The following ZDHHC17 variants were observed in gnomAD, a reference collection of about 807,000 sequenced individuals.
ZDHHC17 encodes the protein palmitoyltransferase ZDHHC17.
Under a neutral mutation model 90.3 loss-of-function variants are expected in ZDHHC17, and 40 were observed. That is an observed-to-expected ratio of 0.44 (90% CI 0.34 to 0.58). The LOEUF (loss-of-function observed/expected upper bound fraction) is 0.58. Ranked by LOEUF, ZDHHC17 falls within the 20% of genes least tolerant of loss-of-function variation. The pLI, the probability that ZDHHC17 is intolerant of heterozygous loss-of-function variation, is 0.01. For missense variants in ZDHHC17, 614 were observed against 780.8 expected (o/e 0.79, Z 2.55); for synonymous variants, 235 against 252.4 (o/e 0.93, Z 0.65).
chr12:76,776,040 AC>A (rs1754198778), intron 1 of ZDHHC17, among the ~76,000 whole-genome samples: 1 of 151,948 alleles, frequency 6.6e-6, no homozygotes, highest in Non-Finnish European at 1.5e-5. Flanking sequence ...TTCCCATTAA[AC>A]TTTTTTTCCT....
Position 76,764,282 on chromosome 12 carries a change from G to A in ZDHHC17, c.46G>A (p.Asp16Asn). 1 of 1,607,530 alleles carries A rather than the reference G, an allele frequency of 6.2e-7. No homozygotes were observed. The highest frequency in any genetic ancestry group is 8.5e-7 in the Non-Finnish European group (1 of 1,177,198). The change falls in exon 1 of 17, where the codon GAT (aspartate) becomes AAT (asparagine). Residue 16 changes from aspartate to asparagine, a missense_variant. Physicochemically the swap from Asp to Asn is conservative, Grantham distance 23. Transcript: ENST00000426126. ...TAACACCAAGATGGCGGACGGCCCG[G>A]ATGAGTACGATACCGAAGCGGGCTG... is the stretch of plus-strand genomic sequence containing the variant. The part of the protein sequence containing the change: ...GFNTKMADGP[D>N]EYDTEAGCVP...
At chr12:76,849,966 G>T (rs1331375097) in intron 16 of ZDHHC17, among the ~76,000 whole-genome samples, 1 of 151,950 alleles carries the variant, frequency 6.6e-6, no homozygotes, top group African/African-American at 2.4e-5. Context: ...TGTCACCCAG[G>T]CTGGAGTGCA....
chr12:76,850,906 G>A lies in ZDHHC17; in HGVS notation c.1820G>A (p.Arg607His), dbSNP rs376748226. The A allele has an allele frequency of 4.5e-5, 73 of 1,613,732 alleles. No homozygotes were observed. In the African/African-American group the frequency reaches 5.6e-4, roughly 12 times the overall value. Residue 607 changes from arginine (R) to histidine (H), a missense_variant, in exon 17 of 17, where the codon CGT becomes CAT. Arg to His is a conservative substitution (Grantham distance 29). Transcript: ENST00000426126. The part of the protein sequence containing the change: ...FFEFRCCGLF[R>H]PVIVDWTRQY... The stretch of plus-strand genomic sequence containing the variant: ...GAATTTCGATGCTGTGGCCTCTTTC[G>A]TCCTGTTATCGTGGACTGGACCAGG...
intron 2 of ZDHHC17, among the ~76,000 whole-genome samples, chr12:76,803,680 C>G (rs1952920067): frequency 6.6e-6 from 1 of 152,148 alleles, no homozygotes; most frequent in Admixed American, 6.5e-5. Flanking sequence ...CCACCAAAAC[C>G]AGAGAGATTT....
At chr12:76,832,502 G>A (rs1292583934) in intron 10 of ZDHHC17, among the ~76,000 whole-genome samples, 4 of 152,226 alleles carry the variant, frequency 2.6e-5, no homozygotes, top group African/African-American at 9.6e-5. Context: ...AGGTTCCTAT[G>A]TGGCTCTGGT....
At chr12:76,847,810 AT>A (rs1265681552) in intron 14 of ZDHHC17, among the ~76,000 whole-genome samples, 1 of 152,144 alleles carries the variant, frequency 6.6e-6, no homozygotes, top group African/African-American at 2.4e-5. Flanking sequence ...GTGAGCCTTG[AT>A]TGAGCCACTG....
At chr12:76,813,468 G>C (rs1376166028) in intron 5 of ZDHHC17, 2 of 343,138 alleles carry the variant, frequency 5.8e-6, no homozygotes, top group African/African-American at 4.5e-5. Context: ...CTAAGTTAAT[G>C]ACATCCAAGG....
At chr12:76,776,909 A>AT (rs1383705229) in intron 1 of ZDHHC17, among the ~76,000 whole-genome samples, 1 of 152,228 alleles carries the variant, frequency 6.6e-6, no homozygotes, top group African/African-American at 2.4e-5. Context: ...AATTGTGCAC[A>AT]TTTTAAATGC....
At chr12:76,839,060 G>T (rs1209657715) in intron 10 of ZDHHC17, among the ~76,000 whole-genome samples, 2 of 152,208 alleles carry the variant, frequency 1.3e-5, no homozygotes, top group African/African-American at 4.8e-5. Context: ...GAAAGAGGAA[G>T]AAATCTCTCA....
intron 10 of ZDHHC17, among the ~76,000 whole-genome samples, chr12:76,834,065 A>G (rs1345474670): frequency 6.6e-6 from 1 of 152,194 alleles, no homozygotes; most frequent in Non-Finnish European, 1.5e-5. Context: ...GTGAAAAAAT[A>G]CTAAATTATA....
chr12:76,847,845 G>A (rs1455137160), intron 14 of ZDHHC17, among the ~76,000 whole-genome samples: 2 of 152,136 alleles, frequency 1.3e-5, no homozygotes, highest in Non-Finnish European at 2.9e-5. Flanking sequence ...GTGACAGAGC[G>A]AGACCTTGTC....
intron 10 of ZDHHC17, among the ~76,000 whole-genome samples, chr12:76,838,565 T>A (rs1040171514): frequency 6.6e-6 from 1 of 152,232 alleles, no homozygotes; most frequent in Non-Finnish European, 1.5e-5. Context: ...AAATTCTTGC[T>A]GAGAAACTTG....
chr12:76,815,829 G>C, intron 6 of ZDHHC17, 28 bp from the exon 7 acceptor site: 1 of 1,385,622 alleles, frequency 7.2e-7, no homozygotes, highest in Non-Finnish European at 9.5e-7. Context: ...TGTTGTTGTT[G>C]TTTGTTTTTT....
intron 1 of ZDHHC17, among the ~76,000 whole-genome samples, chr12:76,779,152 A>AT (rs1952596257): frequency 6.6e-6 from 1 of 152,076 alleles, no homozygotes; most frequent in African/African-American, 2.4e-5. Flanking sequence ...TCTTTTGCCT[A>AT]TTTCCTAGTT....
chr12:76,774,282 A>G (rs1952531896), intron 1 of ZDHHC17, among the ~76,000 whole-genome samples: 1 of 151,742 alleles, frequency 6.6e-6, no homozygotes, highest in Admixed American at 6.6e-5. Flanking sequence ...GTGTATGTGT[A>G]TGTGTATGTG....
At chr12:76,809,194 A>G (rs1952991223) in intron 4 of ZDHHC17, 74 bp downstream of exon 4, 2 of 1,011,654 alleles carry the variant, frequency 2.0e-6, no homozygotes, top group Non-Finnish European at 2.8e-6. Flanking sequence ...TAAAAAAATG[A>G]TATACTAAAA....
intron 10 of ZDHHC17, among the ~76,000 whole-genome samples, chr12:76,839,162 A>G (rs1002303137): frequency 6.6e-6 from 1 of 152,240 alleles, no homozygotes. Flanking sequence ...TAAAGACCAC[A>G]TCTCCAGATG....
chr12:76,790,950 AAC>A (rs1004062960), intron 1 of ZDHHC17, among the ~76,000 whole-genome samples: 13 of 152,310 alleles, frequency 8.5e-5, no homozygotes, highest in Non-Finnish European at 1.3e-4. Flanking sequence ...CAAATATACA[AAC>A]ACAGATTTTT....
intron 2 of ZDHHC17, among the ~76,000 whole-genome samples, chr12:76,802,633 G>C (rs2137753184): frequency 6.6e-6 from 1 of 151,828 alleles, no homozygotes; most frequent in South Asian, 2.1e-4. Context: ...TTTTCTTTCT[G>C]CTCCTCACAC....
Sources: allele counts gnomAD v4.1 joint callset (sites outside exome capture counted in the v4.1 genomes callset), GRCh38; gene constraint gnomAD v4.1.1; transcripts MANE v1.5; gene names NCBI Gene and HGNC (gene_info 2026-07-23, HGNC 2026-07-21).